Variants in CEMIP observed in about 807,000 individuals in gnomAD.
CEMIP encodes the protein cell migration-inducing and hyaluronan-binding protein.
A neutral mutation model predicts 156.9 loss-of-function variants in CEMIP; 105 were observed. The ratio of observed to expected loss-of-function variants is 0.67; its 90% CI spans 0.57 to 0.79. The LOEUF is 0.79. Among genes scored for constraint, CEMIP ranks in the 30% least tolerant of loss-of-function variants. CEMIP has a pLI of 0.00. For missense variants in CEMIP, 1,457 were observed against 1,769.4 expected (o/e 0.82, Z 3.17); for synonymous variants, 676 against 668.4 (o/e 1.01, Z -0.17).
chr15:80,874,535 C>A (rs1393377160), intron 3 of CEMIP, among the ~76,000 whole-genome samples: 2 of 152,074 alleles, frequency 1.3e-5, no homozygotes, highest in African/African-American at 4.8e-5. Flanking sequence ...GTCTGGACCA[C>A]CTGGTCTCAA....
At chr15:80,826,113 T>A (rs1473540966) in intron 1 of CEMIP, among the ~76,000 whole-genome samples, 1 of 152,204 alleles carries the variant, frequency 6.6e-6, no homozygotes, top group African/African-American at 2.4e-5. Flanking sequence ...TTCTGCATGC[T>A]AGGCTGCTTT....
At chr15:80,801,376 A>G (rs930986977) in intron 1 of CEMIP, among the ~76,000 whole-genome samples, 2 of 152,176 alleles carry the variant, frequency 1.3e-5, no homozygotes, top group Non-Finnish European at 2.9e-5. Context: ...CTCTCAATTC[A>G]GTGGATGAGG....
intron 1 of CEMIP, among the ~76,000 whole-genome samples, chr15:80,783,587 G>A (rs1175774577): frequency 6.6e-6 from 1 of 152,172 alleles, no homozygotes; most frequent in Non-Finnish European, 1.5e-5. Context: ...CTACTGTTTT[G>A]CAAGCTATTC....
Position 80,880,883 on chromosome 15 carries a change from G to A in CEMIP, c.381-17G>A, listed in dbSNP as rs1236425919. 2 of 1,603,636 alleles carry A rather than the reference G, an allele frequency of 1.2e-6. No homozygotes were observed. The highest frequency in any genetic ancestry group is 1.7e-6 in the Non-Finnish European group (2 of 1,170,976). ...GAGATGTGTCAGCCAACTCTGGGGAGCTGTTTTCTCTTGCAGGGCTGATGA... is the reference window on the plus strand; with the variant it reads ...GAGATGTGTCAGCCAACTCTGGGGAACTGTTTTCTCTTGCAGGGCTGATGA... On this transcript the variant is annotated splice_polypyrimidine_tract_variant and intron_variant, in intron 5 of 29. Transcript: ENST00000394685.
At chr15:80,814,496 A>T (rs776966072) in intron 1 of CEMIP, among the ~76,000 whole-genome samples, 1 of 152,188 alleles carries the variant, frequency 6.6e-6, no homozygotes, top group Admixed American at 6.5e-5. Context: ...TTCAAGGTTC[A>T]CATGTCGCTG....
At chr15:80,813,387 T>A (rs1378742741) in intron 1 of CEMIP, among the ~76,000 whole-genome samples, 1 of 148,056 alleles carries the variant, frequency 6.8e-6, no homozygotes, top group Non-Finnish European at 1.5e-5. Flanking sequence ...TCTCACTCTG[T>A]CACCCAGGTT....
intron 1 of CEMIP, among the ~76,000 whole-genome samples, chr15:80,850,073 G>A (rs919077023): frequency 5.9e-5 from 9 of 152,180 alleles, no homozygotes; most frequent in Non-Finnish European, 7.3e-5. Context: ...TTGGCAAAGC[G>A]GTGTTCAGGG....
chr15:80,887,566 C>T (rs1052197439), intron 7 of CEMIP, 128 bp from the exon 8 acceptor site: 6 of 722,902 alleles, frequency 8.3e-6, no homozygotes, highest in Middle Eastern at 2.4e-4. Flanking sequence ...GAATGAATTT[C>T]CCCCAAACAG....
rs910091278 is a variant in CEMIP, at chr15:80,809,045, A to G, written c.-176+29431A>G. 5.3e-5 allele frequency among the ~76,000 whole-genome samples: 8 copies of G among 152,324 alleles called. No homozygotes were observed. In the East Asian group the frequency reaches 1.5e-3, roughly 29 times the overall value. The stretch of plus-strand genomic sequence containing the variant: ...TTTCTTACATTACCTACTTGTGGTC[A>G]GATGTGGGGATTTGCACAGTTTCAT... On this transcript the variant is annotated intron_variant, in intron 1 of 29. Coordinates refer to ENST00000394685, the MANE Select transcript of CEMIP (RefSeq NM_001293298.2).
rs370782965 is a variant in CEMIP at position 80,948,929 on chromosome 15, A to G, written c.*5A>G. 1 of 1,614,128 alleles carries G rather than the reference A, an allele frequency of 6.2e-7. No individual in the cohort carries two copies. The highest frequency in any genetic ancestry group is 1.3e-5 in the African/African-American group (1 of 74,950). Reference sequence around the variant, plus strand: ...GTGAAGAAGAAGAAGTTGTGAGGACAGCTGCCGCCCGGTGCCACCTCGTGG... The same window carrying G: ...GTGAAGAAGAAGAAGTTGTGAGGACGGCTGCCGCCCGGTGCCACCTCGTGG... On this transcript the variant is annotated 3_prime_UTR_variant, in exon 30 of 30. Coordinates refer to ENST00000394685, the MANE Select transcript of CEMIP (RefSeq NM_001293298.2).
intron 1 of CEMIP, among the ~76,000 whole-genome samples, chr15:80,856,425 A>G (rs1287027638): frequency 6.6e-6 from 1 of 152,256 alleles, no homozygotes; most frequent in East Asian, 1.9e-4. Flanking sequence ...TGGATGTGCA[A>G]TAACACAGCA....
chr15:80,926,836 C>CA (rs1900698623), intron 19 of CEMIP, among the ~76,000 whole-genome samples: 1 of 106,768 alleles, frequency 9.4e-6, no homozygotes, highest in Admixed American at 8.9e-5. Flanking sequence ...GGGGGGTCTT[C>CA]TTTTTTTTTT....
chr15:80,837,680 T>C (rs1271461711), intron 1 of CEMIP, among the ~76,000 whole-genome samples: 1 of 152,248 alleles, frequency 6.6e-6, no homozygotes, highest in Admixed American at 6.5e-5. Flanking sequence ...CAAGAGGAAG[T>C]AAACAGATAT....
At chr15:80,885,172 G>A (rs1020002935) in intron 7 of CEMIP, among the ~76,000 whole-genome samples, 1 of 152,154 alleles carries the variant, frequency 6.6e-6, no homozygotes, top group Non-Finnish European at 1.5e-5. Context: ...CAGCTCAGTG[G>A]AAAGTTGAGG....
intron 1 of CEMIP, among the ~76,000 whole-genome samples, chr15:80,808,536 G>A (rs534490506): frequency 4.4e-4 from 67 of 151,960 alleles, no homozygotes; most frequent in Non-Finnish European, 8.7e-4. Context: ...AGGATACAGT[G>A]GCATCATCAC....
intron 16 of CEMIP, 90 bp downstream of exon 16, chr15:80,921,191 T>A: frequency 8.4e-7 from 1 of 1,185,066 alleles, no homozygotes; most frequent in Non-Finnish European, 1.2e-6. Flanking sequence ...ACATGTGTGC[T>A]CTGAGCCCCA....
chr15:80,888,683 G>A lies in CEMIP; in HGVS notation c.869-18G>A. The A allele has an allele frequency of 1.2e-6, 2 of 1,612,628 alleles. No individual in the cohort carries two copies. Among genetic ancestry groups the A allele is most frequent in the Non-Finnish European group, 1.7e-6 (2 of 1,178,668 alleles). ...TGGGGGTCTGTCCAGCTCCTAAAGG[G>A]TCTCGTTTCTCTGACAGGACATCGA... On this transcript the variant is annotated intron_variant, in intron 8 of 29. Coordinates refer to ENST00000394685, the MANE Select transcript of CEMIP (RefSeq NM_001293298.2).
chr15:80,880,732 G>A (rs773239793), intron 5 of CEMIP, among the ~76,000 whole-genome samples, 168 bp from the exon 6 acceptor site: 1 of 152,202 alleles, frequency 6.6e-6, no homozygotes, highest in Non-Finnish European at 1.5e-5. Flanking sequence ...CACAAGCCCA[G>A]CCGCTAGTGT....
intron 12 of CEMIP, among the ~76,000 whole-genome samples, chr15:80,899,801 A>C (rs1243760537): frequency 2.0e-5 from 3 of 152,162 alleles, no homozygotes; most frequent in Non-Finnish European, 2.9e-5. Flanking sequence ...GCAAGTTCCT[A>C]ATGATTGTTA....
Sources: gnomAD v4.1 joint callset for allele counts (sites outside exome capture counted in the v4.1 genomes callset) on GRCh38, gnomAD v4.1.1 for gene constraint, MANE v1.5 for transcripts, NCBI Gene and HGNC (gene_info 2026-07-23, HGNC 2026-07-21) for gene names.